GIN1: variants seen among roughly 807,000 people sequenced by gnomAD.
GIN1 encodes the protein gypsy retrotransposon integrase-like protein 1.
In GIN1, 41 loss-of-function variants were observed where a neutral mutation model predicts 51.4. The observed-to-expected ratio is 0.80, with a 90% confidence interval of 0.62 to 1.04. GIN1 has a LOEUF of 1.04. GIN1 is among the 50% of genes least tolerant of loss of function. The pLI, the probability that GIN1 is intolerant of heterozygous loss-of-function variation, is 0.00. For missense variants in GIN1, 610 were observed against 612.4 expected, an observed-to-expected ratio of 1.00 and a Z score of 0.04; for synonymous variants, 222 against 206.5, an observed-to-expected ratio of 1.07 and a Z score of -0.64.
At chr5:103,094,836 A>G (rs13179500) in intron 7 of GIN1, among the ~76,000 whole-genome samples, 1 of 152,242 alleles carries the variant, frequency 6.6e-6, no homozygotes, top group African/African-American at 2.4e-5. Context: ...AAGAGGTACA[A>G]ACAATGCAAG....
intron 1 of GIN1, among the ~76,000 whole-genome samples, chr5:103,112,270 C>T (rs1554196991): frequency 6.6e-6 from 1 of 152,048 alleles, no homozygotes; most frequent in East Asian, 1.9e-4. Context: ...AATGCTTTCA[C>T]AAGTGTATTA....
chr5:103,100,754 G>A (rs1235773837), intron 4 of GIN1, among the ~76,000 whole-genome samples: 1 of 152,092 alleles, frequency 6.6e-6, no homozygotes, highest in East Asian at 1.9e-4. Context: ...CTTTAAACAC[G>A]ACTGGAAAAA....
Position 103,087,936 on chromosome 5 carries a change from A to C in GIN1, c.1531T>G (p.Leu511Val). Residue 511 changes from leucine to valine, a missense_variant, in exon 8 of 8, where the codon TTG becomes GTG. Transcript: ENST00000399004. ...TCAAGAACCTGGTTTGAAGAGTCCA[A>C]CAGACTGAAAGTCTGCTTTTCAAGA... is the stretch of plus-strand genomic sequence containing the variant. The part of the protein sequence containing the change: ...SSLEKQTFSL[L>V]DSSNQVLEYL... 1.3e-6 allele frequency: 2 copies of C among 1,587,696 alleles called. No individual in the cohort carries two copies. Among genetic ancestry groups the C allele is most frequent in the Non-Finnish European group, 1.7e-6 (2 of 1,158,896 alleles).
intron 6 of GIN1, 105 bp downstream of exon 6, chr5:103,097,206 TAAG>T (rs1456327812): frequency 2.8e-5 from 19 of 680,800 alleles, no homozygotes; most frequent in Non-Finnish European, 4.5e-5. Flanking sequence ...TTATGGCAAG[TAAG>T]TATGTGTGTG....
At chr5:103,093,272 G>A (rs1313905229) in intron 7 of GIN1, among the ~76,000 whole-genome samples, 1 of 152,120 alleles carries the variant, frequency 6.6e-6, no homozygotes, top group African/African-American at 2.4e-5. Flanking sequence ...GACTTTTTGG[G>A]CAGGGCCAAG....
intron 1 of GIN1, among the ~76,000 whole-genome samples, chr5:103,111,103 T>C (rs1404935539): frequency 1.3e-5 from 2 of 152,134 alleles, no homozygotes; most frequent in Non-Finnish European, 2.9e-5. Context: ...CGTTTCAAGT[T>C]GGGAATATAG....
intron 4 of GIN1, among the ~76,000 whole-genome samples, chr5:103,098,426 C>G (rs1388391892): frequency 6.6e-6 from 1 of 152,024 alleles, no homozygotes; most frequent in Non-Finnish European, 1.5e-5. Flanking sequence ...ACACATACAA[C>G]AAGGAAATGG....
rs1184599560 is a variant in GIN1, at chr5:103,097,609, G to A, written c.812C>T (p.Ala271Val). Residue 271 changes from alanine to valine, a missense_variant, in exon 5 of 8, where the codon GCC (alanine) becomes GTC (valine). Physicochemically the swap from Ala to Val is moderately conservative, Grantham distance 64. Coordinates refer to ENST00000399004, the MANE Select transcript of GIN1 (RefSeq NM_017676.2). ...ACATACCAAGTGAGTTACATTGAAG[G>A]CAAATGAAACAGCTGATAGGTGATC... ...WDDHLSAVSF[A>V]FNVTHLEPTK... 1 of 1,606,162 alleles carries A rather than the reference G, an allele frequency of 6.2e-7. No individual in the cohort carries two copies. Among genetic ancestry groups the A allele is most frequent in the Admixed American group, 1.7e-5 (1 of 59,976 alleles).
rs1353409547 is a variant in GIN1, at chr5:103,098,998, C to CT, written c.640-1218dup. On this transcript the variant is annotated intron_variant, in intron 4 of 7. Transcript: ENST00000399004. ...TTTTTTTCCTACCTCACCTTTCAGACTTTTTTTTTCCTTATTATTTTTAGT... is the reference window on the plus strand; with the variant it reads ...TTTTTTTCCTACCTCACCTTTCAGACTTTTTTTTTTCCTTATTATTTTTAGT... Among the ~76,000 whole-genome samples, 6 of 151,450 alleles carry CT rather than the reference C, an allele frequency of 4.0e-5. No homozygotes were observed. In the East Asian group the frequency reaches 5.8e-4, roughly 15 times the overall value.
intron 7 of GIN1, among the ~76,000 whole-genome samples, chr5:103,092,139 G>C (rs444020): frequency 0.45 from 68,473 of 151,750 alleles, 17,005 homozygotes; most frequent in African/African-American, 0.67. Context: ...GCCTCAGCCC[G>C]CTAAGTAGCT....
chr5:103,101,099 A>C (rs782546997), intron 4 of GIN1, among the ~76,000 whole-genome samples: 4 of 152,196 alleles, frequency 2.6e-5, no homozygotes, highest in Non-Finnish European at 5.9e-5. Context: ...TAACAACTAA[A>C]AATAAAATAG....
Position 103,088,164 on chromosome 5 carries a change from A to G in GIN1, c.1303T>C (p.Tyr435His), listed in dbSNP as rs1787133582. Residue 435 changes from tyrosine to histidine, a missense_variant, in exon 8 of 8, where the codon TAT becomes CAT. Coordinates refer to ENST00000399004, the MANE Select transcript of GIN1 (RefSeq NM_017676.2). ...GCCACTACTGAACCTTGCAAGAGATAAAGACTTTCTGAAAAAAGAAAAATC... is the reference window on the plus strand; with the variant it reads ...GCCACTACTGAACCTTGCAAGAGATGAAGACTTTCTGAAAAAAGAAAAATC... Reference protein sequence around the residue: ...IRESSEQESLYLLQGSVVADH... With the variant: ...IRESSEQESLHLLQGSVVADH... The G allele has an allele frequency of 6.7e-7, 1 of 1,499,724 alleles. No homozygotes were observed. The highest frequency in any genetic ancestry group is 8.9e-7 in the Non-Finnish European group (1 of 1,119,026). The allele number at this position is 1,499,724 out of a possible 1,614,324, so 92.9% of individuals were successfully genotyped here. A position where few individuals can be genotyped will look rare whatever the true frequency, so the allele number is the denominator to read the frequency against.
intron 1 of GIN1, among the ~76,000 whole-genome samples, chr5:103,115,684 C>A (rs1788012535): frequency 6.6e-6 from 1 of 152,070 alleles, no homozygotes; most frequent in Non-Finnish European, 1.5e-5. Flanking sequence ...TGGTAAATTT[C>A]ATGTTATGTG....
chr5:103,113,095 ACACT>A (rs1562336462), intron 1 of GIN1, among the ~76,000 whole-genome samples: 2 of 152,036 alleles, frequency 1.3e-5, no homozygotes, highest in Admixed American at 1.3e-4. Context: ...GCCTTAGCTC[ACACT>A]CACCTTCTAT....
At chr5:103,091,984 C>T (rs1787252627) in intron 7 of GIN1, among the ~76,000 whole-genome samples, 1 of 151,412 alleles carries the variant, frequency 6.6e-6, no homozygotes, top group Non-Finnish European at 1.5e-5. Context: ...AAGATCACAC[C>T]ATTGCACTCC....
At chr5:103,103,915 G>A (rs1229183601) in intron 4 of GIN1, among the ~76,000 whole-genome samples, 12 of 151,878 alleles carry the variant, frequency 7.9e-5, no homozygotes, top group African/African-American at 1.2e-4. Flanking sequence ...TCAACCTCCC[G>A]AGTAGCTGGG....
chr5:103,117,794 A>C (rs1221749530), intron 1 of GIN1, among the ~76,000 whole-genome samples: 1 of 152,142 alleles, frequency 6.6e-6, no homozygotes. Flanking sequence ...TTTTACAGGT[A>C]GGAAAATGGA....
At position 103,086,269 on chromosome 5, in the gene GIN1, C is replaced by T. The variant is rs1388086398; in HGVS notation, c.*1629G>A. 2.6e-5 allele frequency: 4 copies of T among 152,050 alleles called. No homozygotes were observed. The highest frequency in any genetic ancestry group is 4.8e-5 in the African/African-American group (2 of 41,376). The allele number at this position is 152,050 out of a possible 1,614,324, so 9.4% of individuals were successfully genotyped here. ...AACACCAGTAATACTGTATTAGAGC[C>T]CACCCTATTGAAATATGATCTCAAC... is the stretch of plus-strand genomic sequence containing the variant. On this transcript the variant is annotated 3_prime_UTR_variant, in exon 8 of 8. Coordinates refer to ENST00000399004, the MANE Select transcript of GIN1 (RefSeq NM_017676.2).
intron 7 of GIN1, among the ~76,000 whole-genome samples, chr5:103,088,634 A>T (rs1454381419): frequency 6.6e-6 from 1 of 152,164 alleles, no homozygotes; most frequent in Non-Finnish European, 1.5e-5. Context: ...CTCTACAAAA[A>T]ATACAAACAA....
Sources: allele counts gnomAD v4.1 joint callset (sites outside exome capture counted in the v4.1 genomes callset), GRCh38; gene constraint gnomAD v4.1.1; transcripts MANE v1.5; gene names NCBI Gene and HGNC (gene_info 2026-07-23, HGNC 2026-07-21).